The following UGT1A5 variants were observed in gnomAD, a reference collection of about 807,000 sequenced individuals.
The protein encoded by UGT1A5 is UDP-glucuronosyltransferase 1A5.
A neutral mutation model predicts 40.3 loss-of-function variants in UGT1A5; 29 were observed. The observed-to-expected ratio is 0.72, with a 90% CI of 0.54 to 0.98. The LOEUF is 0.98. Ranked by LOEUF, UGT1A5 falls within the 50% of genes least tolerant of loss-of-function variation. UGT1A5 has a pLI of 0.00. For missense variants in UGT1A5, 678 were observed against 677.9 expected (o/e 1.00, Z 0.00); for synonymous variants, 257 against 262.5 (o/e 0.98, Z 0.20).
rs1208281269 is a variant in UGT1A5 at position 233,769,345 on chromosome 2, G to C, written c.1307+906G>C. Among the ~76,000 whole-genome samples, 1 of 152,210 alleles carries C rather than the reference G, an allele frequency of 6.6e-6. No individual in the cohort carries two copies. The highest frequency in any genetic ancestry group is 1.5e-5 in the Non-Finnish European group (1 of 68,032). On this transcript the variant is annotated intron_variant, in intron 4 of 4. Coordinates refer to ENST00000373414, the MANE Select transcript of UGT1A5 (RefSeq NM_019078.2). This position sits in a 1 kb window ranked among gnomAD's most constrained non-coding sequence, Gnocchi z 4.4. ...GTAATAGGCTTATTAGAACCTTATG[G>C]GAAGAAGTGGTGGCCAGTGGTAGAT...
At chr2:233,743,149 A>G in intron 1 of UGT1A5, 1 of 356,554 alleles carries the variant, frequency 2.8e-6, no homozygotes, top group South Asian at 2.1e-5. Flanking sequence ...AAAGTCCGCT[A>G]TTCCTCCAGA....
In UGT1A5 at chr2:233,713,411, C is replaced by T; in HGVS notation, c.420C>T (p.His140=). ...TGCATAATGAGGCCCTGATCAGGCA[C>T]CTGCATGCTACTTCCTTTGATGTGG... ...ELLHNEALIR[H]LHATSFDVVL... is the part of the protein sequence containing the mutation. The change falls in exon 1 of 5, where the codon CAC becomes CAT. Residue 140 remains histidine, a synonymous_variant. Transcript: ENST00000373414. 1 of 1,614,112 alleles carries T rather than the reference C, an allele frequency of 6.2e-7. No homozygotes were observed. The highest frequency in any genetic ancestry group is 1.1e-5 in the South Asian group (1 of 91,074).
rs1464490488 is a variant in UGT1A5 at position 233,772,373 on chromosome 2, A to C, written c.1419A>C (p.Pro473=). 1.2e-6 allele frequency: 2 copies of C among 1,614,108 alleles called. No individual in the cohort carries two copies. The highest frequency in any genetic ancestry group is 2.2e-5 in the East Asian group (1 of 44,894). Reference sequence around the variant, plus strand: ...TTGTGATGAGGCACAAGGGCGCGCCACACCTGCGCCCCGCAGCCCACGACC... The same window carrying C: ...TTGTGATGAGGCACAAGGGCGCGCCCCACCTGCGCCCCGCAGCCCACGACC... ...VEFVMRHKGA[P]HLRPAAHDLT... The change falls in exon 5 of 5, where the codon CCA becomes CCC. Residue 473 remains proline, a synonymous_variant. Transcript: ENST00000373414.
rs376278520 is a variant in UGT1A5, at chr2:233,729,272, G to A, written c.867+15414G>A. The A allele has an allele frequency of 1.9e-5, 30 of 1,614,080 alleles. No homozygotes were observed. The highest frequency in any genetic ancestry group is 9.3e-5 in the African/African-American group (7 of 74,926). ...TGGCTCAGCATGCGGGAGGTCTTGC[G>A]GGAGCTCCATGCCAGAGGCCACCAG... On this transcript the variant is annotated intron_variant, in intron 1 of 4. Coordinates refer to ENST00000373414, the MANE Select transcript of UGT1A5 (RefSeq NM_019078.2).
rs1692738477 is a variant in UGT1A5, at chr2:233,744,224, A to C, written c.868-22810A>C. Reference sequence around the variant, plus strand: ...ATGGGAAAAAGAGGTTGGGGAAAAGAGAGGGCCTTGACTTTGGCTGCCTGA... The same window carrying C: ...ATGGGAAAAAGAGGTTGGGGAAAAGCGAGGGCCTTGACTTTGGCTGCCTGA... On this transcript the variant is annotated intron_variant, in intron 1 of 4. Coordinates refer to ENST00000373414, the MANE Select transcript of UGT1A5 (RefSeq NM_019078.2). 1.3e-5 allele frequency among the ~76,000 whole-genome samples: 2 copies of C among 151,816 alleles called. 1 individual carries two copies. Among genetic ancestry groups the C allele is most frequent in the African/African-American group, 4.9e-5 (2 of 41,070 alleles).
At chr2:233,742,247 A>G (rs748626852) in intron 1 of UGT1A5, among the ~76,000 whole-genome samples, 6 of 152,004 alleles carry the variant, frequency 3.9e-5, no homozygotes, top group Non-Finnish European at 7.3e-5. Context: ...ATTTACCCAC[A>G]TATTTATTGA....
chr2:233,727,541 C>A (rs1316411121), intron 1 of UGT1A5, among the ~76,000 whole-genome samples: 2 of 152,166 alleles, frequency 1.3e-5, no homozygotes, highest in Non-Finnish European at 2.9e-5. Context: ...GCGTGTTCCA[C>A]CCGTCACCTG....
At chr2:233,768,734 C>T (rs1487456172) in intron 4 of UGT1A5, among the ~76,000 whole-genome samples, 1 of 151,720 alleles carries the variant, frequency 6.6e-6, no homozygotes, top group Non-Finnish European at 1.5e-5. Context: ...AGGTGTCCAC[C>T]ACCACGCCCG....
At chr2:233,754,129 A>C (rs1290911546) in intron 1 of UGT1A5, among the ~76,000 whole-genome samples, 1 of 152,214 alleles carries the variant, frequency 6.6e-6, no homozygotes, top group African/African-American at 2.4e-5. Context: ...TTTATGTGCA[A>C]TTAAAAGCCA....
chr2:233,729,355 C>G lies in UGT1A5; in HGVS notation c.867+15497C>G. ...CATCAAAGAAGAGAACTTTTTCACC[C>G]TGACAACCTATGCCATTTCGTGGAC... On this transcript the variant is annotated intron_variant, in intron 1 of 4. Transcript: ENST00000373414. 6.2e-7 allele frequency: 1 copy of G among 1,614,166 alleles called. No individual in the cohort carries two copies. Among genetic ancestry groups the G allele is most frequent in the Non-Finnish European group, 8.5e-7 (1 of 1,180,000 alleles).
intron 1 of UGT1A5, chr2:233,740,675 C>T (rs946709661): frequency 1.3e-5 from 2 of 151,760 alleles, no homozygotes; most frequent in African/African-American, 2.4e-5. Flanking sequence ...CAGGTGTTTC[C>T]ATGGAGGGTG....
intron 1 of UGT1A5, chr2:233,743,714 T>C (rs1337587224): frequency 1.5e-6 from 2 of 1,367,360 alleles, no homozygotes; most frequent in Admixed American, 1.9e-5. Context: ...CGCCTCGCCA[T>C]AGCGGTCATA....
Position 233,730,160 on chromosome 2 carries a change from G to A in UGT1A5, c.867+16302G>A, listed in dbSNP as rs546399055. 7.2e-5 allele frequency among the ~76,000 whole-genome samples: 11 copies of A among 152,316 alleles called. No homozygotes were observed. The East Asian group carries it at 1.7e-3, about 24-fold the overall frequency. On this transcript the variant is annotated intron_variant, in intron 1 of 4. Coordinates refer to ENST00000373414, the MANE Select transcript of UGT1A5 (RefSeq NM_019078.2). ...GAGATAAACTGTTAAGGGGTCTCTA[G>A]TAGCGTATTTCAGGTTTTAAATGGT...
At chr2:233,724,310 G>T (rs1212736933) in intron 1 of UGT1A5, among the ~76,000 whole-genome samples, 1 of 141,024 alleles carries the variant, frequency 7.1e-6, no homozygotes, top group African/African-American at 2.6e-5. Flanking sequence ...CCTCCCTCCC[G>T]GACGGGGCGG....
chr2:233,765,140 A>C lies in UGT1A5; in HGVS notation c.868-1894A>C, dbSNP rs1698761038. 3.3e-5 allele frequency among the ~76,000 whole-genome samples: 5 copies of C among 152,146 alleles called. No individual in the cohort carries two copies. In the South Asian group the frequency reaches 1.0e-3, roughly 32 times the overall value. ...TGTTCAGGTTTTAGCACTGAACATCACATGTCCTAGGGAACCCCTCAGTTT... is the reference window on the plus strand; with the variant it reads ...TGTTCAGGTTTTAGCACTGAACATCCCATGTCCTAGGGAACCCCTCAGTTT... On this transcript the variant is annotated intron_variant, in intron 1 of 4. Transcript: ENST00000373414.
At chr2:233,735,916 G>A (rs182665210) in intron 1 of UGT1A5, among the ~76,000 whole-genome samples, 217 of 152,260 alleles carry the variant, frequency 1.4e-3, no homozygotes, top group South Asian at 0.012. Context: ...TGGGTAACCC[G>A]ACCTTTCTCT....
chr2:233,771,063 C>G (rs913473960), intron 4 of UGT1A5: 3 of 152,106 alleles, frequency 2.0e-5, no homozygotes, highest in Admixed American at 1.3e-4. Flanking sequence ...ATGACCGGCT[C>G]TCACAATAAC....
intron 1 of UGT1A5, among the ~76,000 whole-genome samples, chr2:233,737,049 A>G (rs2078837950): frequency 1.3e-5 from 2 of 152,210 alleles, no homozygotes; most frequent in Admixed American, 6.5e-5. Context: ...ATGCCATACT[A>G]GGAGAACGAG....
intron 1 of UGT1A5, chr2:233,729,272 G>C: frequency 6.2e-7 from 1 of 1,614,200 alleles, no homozygotes; most frequent in South Asian, 1.1e-5. Flanking sequence ...GAGGTCTTGC[G>C]GGAGCTCCAT....
Sources: gnomAD v4.1 joint callset for allele counts (sites outside exome capture counted in the v4.1 genomes callset) on GRCh38, gnomAD v4.1.1 for gene constraint, Gnocchi (gnomAD v3.1) non-coding constraint, MANE v1.5 for transcripts, NCBI Gene and HGNC (gene_info 2026-07-23, HGNC 2026-07-21) for gene names.